The following RCOR3 variants were observed in gnomAD, a reference collection of about 807,000 sequenced individuals.
RCOR3 encodes the protein REST corepressor 3.
Under a neutral mutation model 64.1 loss-of-function variants are expected in RCOR3, and 13 were observed. The observed-to-expected ratio is 0.20, with a 90% CI of 0.13 to 0.32. The LOEUF (loss-of-function observed/expected upper bound fraction) is 0.32, where lower values mean the gene tolerates loss of function less well. Ranked by LOEUF, RCOR3 falls within the 10% of genes least tolerant of loss-of-function variation. The pLI is 1.00. For synonymous variants in RCOR3, 215 were observed against 239.0 expected, an observed-to-expected ratio of 0.90 and a Z score of 0.93; for missense variants, 489 against 701.2, an observed-to-expected ratio of 0.70 and a Z score of 3.42.
In RCOR3 at chr1:211,278,157, A is replaced by G. The variant is rs1697277158; in HGVS notation, c.557A>G (p.Tyr186Cys). 6.2e-7 allele frequency: 1 copy of G among 1,606,480 alleles called. No homozygotes were observed. Among genetic ancestry groups the G allele is most frequent in the Non-Finnish European group, 8.5e-7 (1 of 1,177,970 alleles). Residue 186 changes from tyrosine (Y) to cysteine (C), a missense_variant, in exon 6 of 12, where the codon TAT becomes TGT. Coordinates refer to ENST00000419091, the MANE Select transcript of RCOR3 (RefSeq NM_001136223.3). ...KTIASLVKYY[Y>C]SWKKTRSRTS... ...ATTGCAAGCCTTGTAAAATATTACT[A>G]TTCTTGGAAAAAAACTCGCTCTAGG...
intron 3 of RCOR3, among the ~76,000 whole-genome samples, chr1:211,272,341 T>G (rs969031572): frequency 2.6e-5 from 4 of 152,204 alleles, no homozygotes; most frequent in African/African-American, 9.7e-5. Context: ...ATTCACAAAC[T>G]GAGCATCAGG....
intron 2 of RCOR3, among the ~76,000 whole-genome samples, chr1:211,267,501 C>T (rs549647111): frequency 2.0e-5 from 3 of 152,276 alleles, no homozygotes; most frequent in Admixed American, 1.3e-4. Context: ...ACCTGCTCAC[C>T]GATATTGGAA....
chr1:211,305,861 AAGG>A (rs1040453799), intron 10 of RCOR3, among the ~76,000 whole-genome samples: 3 of 152,160 alleles, frequency 2.0e-5, no homozygotes, highest in Non-Finnish European at 4.4e-5. Flanking sequence ...ATTAAAATAA[AAGG>A]AGTAGTCATA....
At chr1:211,295,066 T>TTTTTTTTTTTTTTTTG (rs1553259603) in intron 8 of RCOR3, among the ~76,000 whole-genome samples, 5 of 113,314 alleles carry the variant, frequency 4.4e-5, no homozygotes, top group Non-Finnish European at 5.3e-5. Context: ...TTTTTTTTTT[T>TTTTTTTTTTTTTTTTG]TCATAGAGAC....
At chr1:211,306,660 TC>T (rs1483946996) in intron 10 of RCOR3, among the ~76,000 whole-genome samples, 7 of 152,188 alleles carry the variant, frequency 4.6e-5, no homozygotes, top group African/African-American at 7.2e-5. Context: ...CATATTGAGA[TC>T]ATTTCCTTTC....
chr1:211,307,277 C>A (rs1700936667), intron 10 of RCOR3, among the ~76,000 whole-genome samples: 1 of 151,986 alleles, frequency 6.6e-6, no homozygotes, highest in South Asian at 2.1e-4. Flanking sequence ...TCACTTGAGG[C>A]CAGGAGTTCA....
At chr1:211,300,915 TGC>T (rs939277445) in intron 9 of RCOR3, among the ~76,000 whole-genome samples, 168 of 151,054 alleles carry the variant, frequency 1.1e-3, no homozygotes, top group Middle Eastern at 3.4e-3. Context: ...TATGCGTGCG[TGC>T]GTGTGTGTGT....
chr1:211,262,756 A>G (rs976322779), intron 2 of RCOR3, among the ~76,000 whole-genome samples: 1 of 151,884 alleles, frequency 6.6e-6, no homozygotes, highest in Non-Finnish European at 1.5e-5. Flanking sequence ...CACTGGAACA[A>G]ATTTCAAAAT....
intron 2 of RCOR3, among the ~76,000 whole-genome samples, chr1:211,263,543 C>G (rs1694718400): frequency 1.3e-5 from 2 of 152,132 alleles, no homozygotes; most frequent in South Asian, 4.1e-4. Context: ...CATGCTAAAC[C>G]TAAGGACACA....
rs190529376 is a variant in RCOR3, at chr1:211,266,118, A to T, written c.224-5114A>T. The stretch of plus-strand genomic sequence containing the variant: ...AGTTGTGAAAATTGATTCTCTTAAA[A>T]TTTTCTCATGCTCATGTACCCTGGG... On this transcript the variant is annotated intron_variant, in intron 2 of 11. Transcript: ENST00000419091. Among the ~76,000 whole-genome samples, 5 of 152,190 alleles carry T rather than the reference A, an allele frequency of 3.3e-5. No homozygotes were observed. The East Asian group carries it at 9.6e-4, about 29-fold the overall frequency.
At chr1:211,272,038 A>G (rs1696273473) in intron 3 of RCOR3, among the ~76,000 whole-genome samples, 1 of 152,244 alleles carries the variant, frequency 6.6e-6, no homozygotes, top group Admixed American at 6.5e-5. Context: ...TTTATTTAGT[A>G]CCATGAAAAT....
rs187051651 is a variant in RCOR3, at chr1:211,270,298, G to T, written c.224-934G>T. ...GGCTAGTCTTGAACTCGTGACCTCA[G>T]GTGATCCGCCTGCCTTAGCCTCCCA... On this transcript the variant is annotated intron_variant, in intron 2 of 11. Transcript: ENST00000419091. Among the ~76,000 whole-genome samples the T allele has an allele frequency of 3.9e-3, 588 of 152,110 alleles. 3 individuals are homozygous for T. Among genetic ancestry groups the T allele is most frequent in the African/African-American group, 0.014 (565 of 41,492 alleles).
chr1:211,305,844 T>TA (rs1330179053), intron 10 of RCOR3, among the ~76,000 whole-genome samples: 1 of 152,152 alleles, frequency 6.6e-6, no homozygotes, highest in South Asian at 2.1e-4. Flanking sequence ...GGACATAACT[T>TA]ACAAATATTA....
rs989912139 is a variant in RCOR3 at position 211,316,021 on chromosome 1, A to G, written c.*2253A>G. On this transcript the variant is annotated 3_prime_UTR_variant, in exon 12 of 12. Transcript: ENST00000419091. ...AAGGATTAAAGATTTAAAGATGTCT[A>G]TGTCTTCTATTTTTATATAATTTCA... 1.3e-5 allele frequency: 2 copies of G among 152,200 alleles called. No homozygotes were observed. The highest frequency in any genetic ancestry group is 2.9e-5 in the Non-Finnish European group (2 of 68,028). 9.4% of individuals were successfully genotyped at this position (152,200 alleles called of 1,614,324 possible). A position where few individuals can be genotyped will look rare whatever the true frequency, so the allele number is the denominator to read the frequency against.
intron 7 of RCOR3, among the ~76,000 whole-genome samples, chr1:211,281,435 G>A (rs1355829081): frequency 3.3e-5 from 5 of 151,936 alleles, no homozygotes; most frequent in Non-Finnish European, 4.4e-5. Context: ...TTTTCTCTCC[G>A]ATTATCTCCG....
At chr1:211,308,684 G>GTTTTTTTTTTTT (rs71585833) in intron 10 of RCOR3, among the ~76,000 whole-genome samples, 23 of 42,024 alleles carry the variant, frequency 5.5e-4, no homozygotes, top group South Asian at 1.1e-3. Flanking sequence ...TTTTTTTTTT[G>GTTTTTTTTTTTT]TTTTTTTTTT....
intron 7 of RCOR3, among the ~76,000 whole-genome samples, chr1:211,285,082 T>A (rs1330954553): frequency 6.6e-6 from 1 of 152,248 alleles, no homozygotes; most frequent in African/African-American, 2.4e-5. Context: ...TTGCTCTTCA[T>A]AACTTATTTG....
chr1:211,289,760 G>A (rs968529985), intron 8 of RCOR3, among the ~76,000 whole-genome samples: 6 of 151,446 alleles, frequency 4.0e-5, no homozygotes, highest in Non-Finnish European at 8.8e-5. Flanking sequence ...TGCTCAGTGA[G>A]TGATGGTTGT....
At chr1:211,294,135 A>AT (rs918803552) in intron 8 of RCOR3, among the ~76,000 whole-genome samples, 3 of 152,208 alleles carry the variant, frequency 2.0e-5, no homozygotes, top group African/African-American at 4.8e-5. Context: ...CATAACATGA[A>AT]TTTTTTGTTT....
Sources: allele counts gnomAD v4.1 joint callset (sites outside exome capture counted in the v4.1 genomes callset), GRCh38; gene constraint gnomAD v4.1.1; transcripts MANE v1.5; gene names NCBI Gene and HGNC (gene_info 2026-07-23, HGNC 2026-07-21).